The following CALN1 variants were observed in gnomAD, a reference collection of about 807,000 sequenced individuals.
The protein encoded by CALN1 is calneuron 1.
In CALN1, 17 loss-of-function variants were observed where a neutral mutation model predicts 30.6. The observed-to-expected ratio is 0.56, with a 90% CI of 0.38 to 0.83. The LOEUF (loss-of-function observed/expected upper bound fraction) is 0.83, where lower values mean the gene tolerates loss of function less well. Among genes scored for constraint, CALN1 ranks in the 40% least tolerant of loss-of-function variants. The pLI is 0.00. For missense variants in CALN1, 291 were observed against 354.9 expected (o/e 0.82, Z 1.45); for synonymous variants, 156 against 131.4 (o/e 1.19, Z -1.28).
intron 2 of CALN1, among the ~76,000 whole-genome samples, chr7:72,358,165 A>G (rs1304294025): frequency 1.3e-5 from 2 of 151,634 alleles, no homozygotes; most frequent in Admixed American, 1.3e-4. Context: ...CTAATTTTTT[A>G]ATCTTTTTCT....
chr7:72,193,937 A>G (rs1790806738), intron 3 of CALN1, among the ~76,000 whole-genome samples: 2 of 152,110 alleles, frequency 1.3e-5, no homozygotes, highest in Admixed American at 6.6e-5. Flanking sequence ...AGAATAATAC[A>G]ATAAACTGAG....
At chr7:72,391,073 A>G (rs1285434912) in intron 2 of CALN1, among the ~76,000 whole-genome samples, 1 of 152,210 alleles carries the variant, frequency 6.6e-6, no homozygotes, top group South Asian at 2.1e-4. Context: ...AATCTGATTT[A>G]TATACATATG....
intron 5 of CALN1, among the ~76,000 whole-genome samples, chr7:71,880,169 T>A (rs1362306965): frequency 6.6e-6 from 1 of 152,158 alleles, no homozygotes; most frequent in Non-Finnish European, 1.5e-5. Context: ...GGTTAGAGAT[T>A]TTCACATTCT....
chr7:72,267,464 T>C (rs955543130), intron 3 of CALN1, among the ~76,000 whole-genome samples: 2 of 152,162 alleles, frequency 1.3e-5, no homozygotes, highest in Admixed American at 6.5e-5. Flanking sequence ...GAAATTTGAT[T>C]AATCAGCCAA....
chr7:71,791,835 C>G (rs912410274), intron 6 of CALN1, among the ~76,000 whole-genome samples: 2 of 152,180 alleles, frequency 1.3e-5, no homozygotes, highest in African/African-American at 2.4e-5. Context: ...CGGTGAAACC[C>G]TGTCTCTACT....
At chr7:71,824,696 A>G (rs1345123641) in intron 5 of CALN1, among the ~76,000 whole-genome samples, 1 of 152,192 alleles carries the variant, frequency 6.6e-6, no homozygotes, top group East Asian at 1.9e-4. Flanking sequence ...CTCTGGAGAA[A>G]AAGACAGGCG....
rs2129541499 is a variant in CALN1, at chr7:72,109,961, A to C, written c.245-3667T>G. ...CAGGACATACGATGCAACAGTAGGA[A>C]GTGTCAGAGGATGACAAGGTCTGCG... is the stretch of plus-strand genomic sequence containing the variant. On this transcript the variant is annotated intron_variant, in intron 3 of 6. Transcript: ENST00000395275. Among the ~76,000 whole-genome samples, 2 of 152,344 alleles carry C rather than the reference A, an allele frequency of 1.3e-5. 1 individual carries two copies. Among genetic ancestry groups the C allele is most frequent in the East Asian group, 3.9e-4 (2 of 5,180 alleles).
intron 3 of CALN1, among the ~76,000 whole-genome samples, chr7:72,209,761 A>C (rs1359084590): frequency 6.6e-6 from 1 of 152,060 alleles, no homozygotes; most frequent in African/African-American, 2.4e-5. Flanking sequence ...AGACTTGTCT[A>C]TTCGGGGCAT....
intron 5 of CALN1, among the ~76,000 whole-genome samples, chr7:71,982,476 C>T (rs1414356111): frequency 1.3e-5 from 2 of 152,114 alleles, no homozygotes; most frequent in East Asian, 3.9e-4. Flanking sequence ...TGCCTGTAAT[C>T]CCAGCTACTC....
intron 3 of CALN1, among the ~76,000 whole-genome samples, chr7:72,245,312 C>T (rs2129551609): frequency 6.6e-6 from 1 of 152,196 alleles, no homozygotes; most frequent in Middle Eastern, 3.4e-3. Context: ...TGTGATGTGA[C>T]TCATTTTAAA....
chr7:72,251,391 AACT>A (rs1443380645), intron 3 of CALN1, among the ~76,000 whole-genome samples: 9 of 151,746 alleles, frequency 5.9e-5, no homozygotes, highest in Admixed American at 5.9e-4. Flanking sequence ...CTTTCCTCTG[AACT>A]ACTTTTTTTT....
At chr7:72,153,801 C>T (rs931941092) in intron 3 of CALN1, among the ~76,000 whole-genome samples, 4 of 152,218 alleles carry the variant, frequency 2.6e-5, no homozygotes, top group Non-Finnish European at 5.9e-5. Context: ...TAGTTTCTGC[C>T]ACTGGGCACT....
At chr7:72,039,623 A>C (rs894487143) in intron 4 of CALN1, among the ~76,000 whole-genome samples, 1 of 152,074 alleles carries the variant, frequency 6.6e-6, no homozygotes, top group African/African-American at 2.4e-5. Flanking sequence ...GGTCTCCCCC[A>C]CCACCACCAC....
intron 3 of CALN1, among the ~76,000 whole-genome samples, chr7:72,257,095 A>C (rs2129552502): frequency 6.6e-6 from 1 of 152,322 alleles, no homozygotes; most frequent in African/African-American, 2.4e-5. Context: ...CATGGCAGAA[A>C]GAGAAGCAAG....
In CALN1 at chr7:72,119,305, A is replaced by G. The variant is rs557830581; in HGVS notation, c.245-13011T>C. 7.2e-5 allele frequency among the ~76,000 whole-genome samples: 11 copies of G among 151,782 alleles called. 1 individual carries two copies. The East Asian group carries it at 2.2e-3, about 30-fold the overall frequency. On this transcript the variant is annotated intron_variant, in intron 3 of 6. Coordinates refer to ENST00000395275, the MANE Select transcript of CALN1 (RefSeq NM_031468.4). ...CTTACATGGTGGCAGAAAAGAGAAGAGAGAGGACTTATGCAGGGAAACTCT... is the reference window on the plus strand; with the variant it reads ...CTTACATGGTGGCAGAAAAGAGAAGGGAGAGGACTTATGCAGGGAAACTCT...
intron 4 of CALN1, among the ~76,000 whole-genome samples, chr7:72,047,759 C>T (rs1314807580): frequency 2.0e-5 from 3 of 152,250 alleles, no homozygotes; most frequent in East Asian, 3.9e-4. Context: ...TGGCAGCCAT[C>T]GTGCTCGGCC....
At chr7:72,011,403 A>G (rs1347031067) in intron 5 of CALN1, among the ~76,000 whole-genome samples, 1 of 151,818 alleles carries the variant, frequency 6.6e-6, no homozygotes, top group Admixed American at 6.6e-5. Context: ...GAACCTCTGA[A>G]CTCTGCGCTG....
intron 2 of CALN1, among the ~76,000 whole-genome samples, chr7:72,364,098 A>C (rs539948779): frequency 1.2e-3 from 189 of 152,296 alleles, no homozygotes; most frequent in African/African-American, 4.5e-3. Flanking sequence ...AATGGAGAAA[A>C]TTTGAAAACT....
At chr7:72,447,957 G>A (rs1585740675), upstream of CALN1, among the ~76,000 whole-genome samples, 4 of 133,426 alleles carry the variant, frequency 3.0e-5, no homozygotes, top group South Asian at 9.9e-4. Context: ...CGCCTGCCTA[G>A]GTATACACAT....
Sources: gnomAD v4.1 joint callset for allele counts (sites outside exome capture counted in the v4.1 genomes callset) on GRCh38, gnomAD v4.1.1 for gene constraint, MANE v1.5 for transcripts, NCBI Gene and HGNC (gene_info 2026-07-23, HGNC 2026-07-21) for gene names.